The following ALK variants were observed in gnomAD, a reference collection of about 807,000 sequenced individuals.
The protein encoded by ALK is ALK tyrosine kinase receptor.
Under a neutral mutation model 163.1 loss-of-function variants are expected in ALK, and 74 were observed. The ratio of observed to expected loss-of-function variants is 0.45; its 90% confidence interval spans 0.38 to 0.55. The LOEUF (loss-of-function observed/expected upper bound fraction) is 0.55. ALK is among the 20% of genes least tolerant of loss of function. ALK has a pLI of 0.00. For synonymous variants in ALK, 960 were observed against 843.2 expected, an observed-to-expected ratio of 1.14 and a Z score of -2.40; for missense variants, 2,063 against 2,105.3, an observed-to-expected ratio of 0.98 and a Z score of 0.39.
rs190868743 is a variant in ALK, at chr2:29,280,898, G to A, written c.1818-5402C>T. Among the ~76,000 whole-genome samples, 11 of 145,766 alleles carry A rather than the reference G, an allele frequency of 7.5e-5. 1 individual carries two copies. The East Asian group carries it at 2.3e-3, about 31-fold the overall frequency. ...ACCACTCTGGGACTGAGGGGAGGTT[G>A]TGGCATATGCCAGGTGTACCACTCT... On this transcript the variant is annotated intron_variant, in intron 9 of 28. Transcript: ENST00000389048.
chr2:29,300,317 G>C (rs933627441), intron 8 of ALK, among the ~76,000 whole-genome samples: 4 of 152,166 alleles, frequency 2.6e-5, no homozygotes, highest in African/African-American at 9.7e-5. Context: ...GGGAGGCCGA[G>C]TCAGGTGGAT....
intron 3 of ALK, among the ~76,000 whole-genome samples, chr2:29,588,713 C>T (rs1014325532): frequency 1.3e-5 from 2 of 152,126 alleles, no homozygotes; most frequent in Non-Finnish European, 2.9e-5. Flanking sequence ...AGAAGGTGGC[C>T]ACAGACAATA....
At chr2:29,422,534 A>T (rs983919476) in intron 4 of ALK, among the ~76,000 whole-genome samples, 1 of 152,178 alleles carries the variant, frequency 6.6e-6, no homozygotes, top group Admixed American at 6.5e-5. Context: ...GCCTTAGTAC[A>T]TTGGGTGCTT....
chr2:29,285,572 T>TG, intron 9 of ALK, among the ~76,000 whole-genome samples: 1 of 150,556 alleles, frequency 6.6e-6, no homozygotes, highest in Non-Finnish European at 1.5e-5. Context: ...AGTGGCTCTT[T>TG]TTTTTTTTGG....
At chr2:29,451,531 G>A (rs1342378252) in intron 4 of ALK, among the ~76,000 whole-genome samples, 1 of 151,938 alleles carries the variant, frequency 6.6e-6, no homozygotes, top group Admixed American at 6.6e-5. Context: ...TGTACTTGCT[G>A]TCTTCGAAAA....
At chr2:29,577,962 C>T (rs1288725999) in intron 3 of ALK, among the ~76,000 whole-genome samples, 1 of 152,068 alleles carries the variant, frequency 6.6e-6, no homozygotes, top group Admixed American at 6.5e-5. Flanking sequence ...GGTGGCACCC[C>T]CTAGTTGCAT....
chr2:29,524,293 C>T (rs985566295), intron 4 of ALK, among the ~76,000 whole-genome samples: 2 of 152,186 alleles, frequency 1.3e-5, no homozygotes, highest in Non-Finnish European at 2.9e-5. Flanking sequence ...GACTTGTGGG[C>T]CAGAATTAGA....
intron 4 of ALK, among the ~76,000 whole-genome samples, chr2:29,408,797 C>A (rs994452473): frequency 2.0e-5 from 3 of 152,132 alleles, no homozygotes; most frequent in Admixed American, 6.5e-5. Context: ...ATTCTGGAGG[C>A]GGGCAGACCT....
At chr2:29,798,271 G>A (rs753766866) in intron 1 of ALK, among the ~76,000 whole-genome samples, 3 of 152,156 alleles carry the variant, frequency 2.0e-5, no homozygotes, top group Non-Finnish European at 4.4e-5. Flanking sequence ...TTATTAAATT[G>A]GTATCATCAC....
chr2:29,651,174 G>A lies in ALK; in HGVS notation c.952+43676C>T, dbSNP rs1387549498. Among the ~76,000 whole-genome samples the A allele has an allele frequency of 2.6e-5, 4 of 152,194 alleles. No individual in the cohort carries two copies. The East Asian group carries it at 7.7e-4, about 29-fold the overall frequency. On this transcript the variant is annotated intron_variant, in intron 3 of 28. Coordinates refer to ENST00000389048, the MANE Select transcript of ALK (RefSeq NM_004304.5). ...GAGTGCCACTAAAGAGATCTCCTCT[G>A]TAACTTCAAAGCTTCTCACATCCAG...
At chr2:29,714,765 G>T (rs1679199495) in intron 2 of ALK, among the ~76,000 whole-genome samples, 1 of 152,214 alleles carries the variant, frequency 6.6e-6, no homozygotes, top group Non-Finnish European at 1.5e-5. Context: ...TAAAATTAAT[G>T]AAGTTGTTAA....
intron 3 of ALK, among the ~76,000 whole-genome samples, chr2:29,665,828 T>C (rs1677497073): frequency 6.8e-6 from 1 of 146,808 alleles, no homozygotes; most frequent in Non-Finnish European, 1.5e-5. Flanking sequence ...TTTCAAATGA[T>C]TTTTTTTTTC....
At chr2:29,839,399 C>T (rs1665644152) in intron 1 of ALK, among the ~76,000 whole-genome samples, 1 of 152,078 alleles carries the variant, frequency 6.6e-6, no homozygotes, top group African/African-American at 2.4e-5. Context: ...GAATGAGTGG[C>T]TGAGAATTCC....
intron 4 of ALK, among the ~76,000 whole-genome samples, chr2:29,409,612 T>C (rs946009127): frequency 3.3e-5 from 5 of 152,194 alleles, no homozygotes; most frequent in African/African-American, 4.8e-5. Context: ...GAAGATGCCA[T>C]TGGACCTCCA....
intron 3 of ALK, among the ~76,000 whole-genome samples, chr2:29,633,474 C>T (rs1676438339): frequency 6.6e-6 from 1 of 151,800 alleles, no homozygotes; most frequent in South Asian, 2.1e-4. Context: ...GAAAAGAATA[C>T]AATTCTCAAA....
At position 29,687,223 on chromosome 2, in the gene ALK, C is replaced by A. The variant is rs182437400; in HGVS notation, c.952+7627G>T. Among the ~76,000 whole-genome samples the A allele has an allele frequency of 1.7e-3, 263 of 152,028 alleles. 1 individual carries two copies. The highest frequency in any genetic ancestry group is 5.4e-3 in the African/African-American group (226 of 41,472). Reference sequence around the variant, plus strand: ...CTGGGATTGGCCCCTGGGTATATTCCTGAGCCTGCTGCACACTTATTTTCC... The same window carrying A: ...CTGGGATTGGCCCCTGGGTATATTCATGAGCCTGCTGCACACTTATTTTCC... On this transcript the variant is annotated intron_variant, in intron 3 of 28. Coordinates refer to ENST00000389048, the MANE Select transcript of ALK (RefSeq NM_004304.5).
At chr2:29,375,224 C>A (rs1668727121) in intron 5 of ALK, among the ~76,000 whole-genome samples, 1 of 152,224 alleles carries the variant, frequency 6.6e-6, no homozygotes, top group Non-Finnish European at 1.5e-5. Flanking sequence ...ATTTACAAGG[C>A]ACCTCCACAG....
At chr2:29,525,443 T>C (rs1402830513) in intron 4 of ALK, among the ~76,000 whole-genome samples, 1 of 152,196 alleles carries the variant, frequency 6.6e-6, no homozygotes, top group African/African-American at 2.4e-5. Flanking sequence ...CAGAGCTTTC[T>C]AAACATACAT....
intron 3 of ALK, among the ~76,000 whole-genome samples, chr2:29,565,820 T>C (rs1674168816): frequency 6.6e-6 from 1 of 152,192 alleles, no homozygotes; most frequent in Admixed American, 6.5e-5. Flanking sequence ...AGGATTTTAT[T>C]ACCTCTCGCA....
Sources: allele counts gnomAD v4.1 joint callset (sites outside exome capture counted in the v4.1 genomes callset), GRCh38; gene constraint gnomAD v4.1.1; transcripts MANE v1.5; gene names NCBI Gene and HGNC (gene_info 2026-07-23, HGNC 2026-07-21).